The following NAV1 variants were observed in gnomAD, a reference collection of about 807,000 sequenced individuals.
NAV1 encodes the protein pore membrane and/or filament interacting like protein 3.
A neutral mutation model predicts 175.2 loss-of-function variants in NAV1; 18 were observed. The ratio of observed to expected loss-of-function variants is 0.10; its 90% confidence interval spans 0.07 to 0.15. The LOEUF (loss-of-function observed/expected upper bound fraction) is 0.15, where lower values mean the gene tolerates loss of function less well. Among genes scored for constraint, NAV1 ranks in the 10% least tolerant of loss-of-function variants. The probability of loss-of-function intolerance (pLI) is 1.00; values close to 1 mark genes in which losing one functional copy is unlikely to be tolerated. For synonymous variants in NAV1, 897 were observed against 978.7 expected (o/e 0.92, Z 1.56); for missense variants, 1,731 against 2,436.6 (o/e 0.71, Z 6.10).
intron 1 of NAV1, chr1:201,688,325 G>T (rs1007075095): frequency 2.0e-5 from 3 of 152,172 alleles, no homozygotes; most frequent in African/African-American, 7.2e-5. Context: ...CTCTTCCCAG[G>T]AGGGACGTGA....
At chr1:201,644,191 T>C (rs984385484), upstream of NAV1, among the ~76,000 whole-genome samples, 3 of 152,180 alleles carry the variant, frequency 2.0e-5, no homozygotes, top group East Asian at 1.9e-4. Context: ...TCATTGATCA[T>C]TGATGGTAGA....
chr1:201,808,699 A>G lies in NAV1; in HGVS notation c.4039-4A>G, dbSNP rs752104827. 1 of 1,614,238 alleles carries G rather than the reference A, an allele frequency of 6.2e-7. No individual in the cohort carries two copies. The highest frequency in any genetic ancestry group is 1.1e-5 in the South Asian group (1 of 91,086). ...CCACCCTACCCTGTCTGTTCTTGCC[A>G]CAGTTGGAGGTGGACCTGCTGAAAG... On this transcript the variant is annotated splice_polypyrimidine_tract_variant and splice_region_variant and intron_variant, in intron 19 of 29. Coordinates refer to ENST00000367296, the Ensembl canonical transcript of NAV1. This position sits in a 1 kb window ranked among gnomAD's most constrained non-coding sequence, Gnocchi z 5.5.
intron 1 of NAV1, among the ~76,000 whole-genome samples, chr1:201,649,824 C>A (rs1669118184): frequency 6.6e-6 from 1 of 152,186 alleles, no homozygotes; most frequent in African/African-American, 2.4e-5. Context: ...GCAAGGGGAG[C>A]GTCCAGCGAG....
chr1:201,632,463 G>C (rs1668504297), intron 2 of NAV1, among the ~76,000 whole-genome samples: 1 of 152,230 alleles, frequency 6.6e-6, no homozygotes, highest in Non-Finnish European at 1.5e-5. Context: ...CTCTCCCTTT[G>C]GTTGCAGTCA....
intron 3 of NAV1, among the ~76,000 whole-genome samples, chr1:201,726,327 G>A (rs1672604469): frequency 6.6e-6 from 1 of 152,222 alleles, no homozygotes; most frequent in Non-Finnish European, 1.5e-5. Flanking sequence ...GCTTTGAAAA[G>A]TATAAAGAGC....
At chr1:201,804,579 TA>T (rs377039916) in intron 17 of NAV1, 82 bp downstream of exon 21, 63,498 of 353,622 alleles carry the variant, frequency 0.18, 324 homozygotes, top group Middle Eastern at 0.21. Context: ...TCCCTTCCCC[TA>T]AAAAAAAAAA....
intron 3 of NAV1, among the ~76,000 whole-genome samples, chr1:201,746,655 G>A (rs1189675237): frequency 6.6e-6 from 1 of 152,206 alleles, no homozygotes; most frequent in Admixed American, 6.5e-5. Flanking sequence ...CACGTTAGGA[G>A]CGCAGTGAGT....
At chr1:201,786,444 C>A in exon 9 of NAV1, 1 of 1,613,138 alleles carries the variant, frequency 6.2e-7, no homozygotes, top group Non-Finnish European at 8.5e-7. Flanking sequence ...AGCTTCAGTC[C>A]CAGGAGGAGA....
chr1:201,622,239 G>A (rs899274012), upstream of NAV1, among the ~76,000 whole-genome samples: 2 of 152,130 alleles, frequency 1.3e-5, no homozygotes, highest in Non-Finnish European at 2.9e-5. Flanking sequence ...AGCAGGGAGG[G>A]CCCAGGGAAT....
At chr1:201,651,817 A>C (rs1320017584) in intron 1 of NAV1, among the ~76,000 whole-genome samples, 1 of 152,024 alleles carries the variant, frequency 6.6e-6, no homozygotes, top group African/African-American at 2.4e-5. Context: ...GAAGGGTGGA[A>C]ACTCCCAAAT....
intron 1 of NAV1, among the ~76,000 whole-genome samples, chr1:201,684,961 C>CAA (rs35153455): frequency 7.6e-5 from 9 of 119,184 alleles, no homozygotes; most frequent in Non-Finnish European, 8.7e-5. Context: ...GACTCTGTCT[C>CAA]AAAAAAAAAA....
intron 28 of NAV1, among the ~76,000 whole-genome samples, chr1:201,814,212 T>TA (rs375429218): frequency 9.3e-5 from 14 of 151,014 alleles, no homozygotes; most frequent in African/African-American, 2.9e-4. Context: ...ATACAAAAAA[T>TA]AAAAAAAATC....
At chr1:201,624,551 T>A (rs1668274377) in intron 1 of NAV1, among the ~76,000 whole-genome samples, 1 of 151,872 alleles carries the variant, frequency 6.6e-6, no homozygotes, top group African/African-American at 2.4e-5. Context: ...TTTCACTGTG[T>A]TAGCCAGCAT....
chr1:201,785,193 G>T (rs1676642262), intron 7 of NAV1, 117 bp from the exon 12 acceptor site: 1 of 989,586 alleles, frequency 1.0e-6, no homozygotes, highest in East Asian at 2.5e-5. Flanking sequence ...GTCATAGTTT[G>T]ATGTCCTGCG....
chr1:201,615,654 A>G (rs115756085), intron 2 of NAV1, among the ~76,000 whole-genome samples: 208 of 152,262 alleles, frequency 1.4e-3, no homozygotes, highest in African/African-American at 4.8e-3. Flanking sequence ...ATAAAACCCT[A>G]TGACTACTTA....
intron 3 of NAV1, chr1:201,723,228 T>A (rs1297989950): frequency 6.6e-6 from 1 of 152,266 alleles, no homozygotes; most frequent in Non-Finnish European, 1.5e-5. Context: ...TTTGTACATC[T>A]TCTTTGGAGA....
At chr1:201,541,097 A>G (rs1557988805) in intron 1 of NAV1, among the ~76,000 whole-genome samples, 2 of 152,044 alleles carry the variant, frequency 1.3e-5, no homozygotes, top group African/African-American at 4.8e-5. Flanking sequence ...TCTGCTTTGC[A>G]TTTTTTGTTT....
exon 30 of NAV1, chr1:201,825,668 T>C (rs1679629171): frequency 1.3e-5 from 2 of 152,326 alleles, no homozygotes; most frequent in Admixed American, 1.3e-4. Context: ...TTCTGTTTGT[T>C]TGTTTGTTTT....
intron 3 of NAV1, among the ~76,000 whole-genome samples, chr1:201,731,720 A>T (rs1454836310): frequency 6.6e-6 from 1 of 152,148 alleles, no homozygotes; most frequent in Non-Finnish European, 1.5e-5. Flanking sequence ...GACAAAGGGC[A>T]GTTCAGGAAT....
Sources: allele counts gnomAD v4.1 joint callset (sites outside exome capture counted in the v4.1 genomes callset), GRCh38; gene constraint gnomAD v4.1.1; non-coding constraint Gnocchi (gnomAD v3.1); transcripts MANE v1.5; gene names NCBI Gene and HGNC (gene_info 2026-07-23, HGNC 2026-07-21).